Variants in ADAMTSL1 observed in about 807,000 individuals in gnomAD.
The protein encoded by ADAMTSL1 is ADAMTS like 1.
A neutral mutation model predicts 201.8 loss-of-function variants in ADAMTSL1; 126 were observed. The observed-to-expected ratio is 0.62, with a 90% CI of 0.54 to 0.72. ADAMTSL1 has a LOEUF of 0.72. Among genes scored for constraint, ADAMTSL1 ranks in the 30% least tolerant of loss-of-function variants. The pLI is 0.00. For synonymous variants in ADAMTSL1, 1,121 were observed against 903.4 expected (o/e 1.24, Z -4.32); for missense variants, 2,679 against 2,277.8 (o/e 1.18, Z -3.59).
chr9:18,566,428 A>G (rs1204592675), intron 3 of ADAMTSL1, among the ~76,000 whole-genome samples: 1 of 152,208 alleles, frequency 6.6e-6, no homozygotes, highest in African/African-American at 2.4e-5. Context: ...AAATTATCCG[A>G]TATACTTGTG....
intron 1 of ADAMTSL1, among the ~76,000 whole-genome samples, chr9:18,051,259 C>T (rs549135941): frequency 4.6e-5 from 7 of 152,242 alleles, no homozygotes; most frequent in Admixed American, 2.6e-4. Context: ...TGAGATGGTG[C>T]CACTGCACTC....
intron 3 of ADAMTSL1, among the ~76,000 whole-genome samples, chr9:18,550,631 A>C (rs1298522003): frequency 1.3e-5 from 2 of 151,862 alleles, no homozygotes; most frequent in East Asian, 1.9e-4. Flanking sequence ...AGCCCTTCCA[A>C]TGCCTTGATT....
At chr9:18,702,360 TTTTG>T (rs909033735) in intron 13 of ADAMTSL1, among the ~76,000 whole-genome samples, 5 of 152,330 alleles carry the variant, frequency 3.3e-5, no homozygotes, top group Non-Finnish European at 5.9e-5. Context: ...AGTAAGTTGT[TTTTG>T]TTTATCAGTA....
intron 13 of ADAMTSL1, among the ~76,000 whole-genome samples, chr9:18,688,516 A>T (rs1313560927): frequency 6.7e-6 from 1 of 149,856 alleles, no homozygotes; most frequent in African/African-American, 2.5e-5. Context: ...AAACTCAGAA[A>T]ACTTAGCCAG....
intron 1 of ADAMTSL1, among the ~76,000 whole-genome samples, chr9:18,480,740 C>G (rs1430889444): frequency 1.3e-5 from 2 of 152,182 alleles, no homozygotes; most frequent in Non-Finnish European, 2.9e-5. Flanking sequence ...CCACATCATT[C>G]TAATGGTGGT....
chr9:18,905,698 CG>C, intron 26 of ADAMTSL1, 83 bp from the exon 27 acceptor site: 1 of 1,010,126 alleles, frequency 9.9e-7, no homozygotes, highest in Non-Finnish European at 1.5e-6. Context: ...ACACAAGGAT[CG>C]TGCATGCCAT....
chr9:18,532,646 T>C (rs571091645), intron 2 of ADAMTSL1, among the ~76,000 whole-genome samples: 65 of 152,066 alleles, frequency 4.3e-4, no homozygotes, highest in African/African-American at 1.5e-3. Flanking sequence ...TTATTTATAC[T>C]GGAAAGGACT....
At chr9:18,422,426 T>C (rs2133366941) in intron 2 of ADAMTSL1, among the ~76,000 whole-genome samples, 1 of 152,318 alleles carries the variant, frequency 6.6e-6, no homozygotes, top group African/African-American at 2.4e-5. Flanking sequence ...TTCTGTGGCA[T>C]TCAGACATCC....
intron 1 of ADAMTSL1, among the ~76,000 whole-genome samples, chr9:18,060,400 T>C (rs1822395056): frequency 6.6e-6 from 1 of 152,188 alleles, no homozygotes; most frequent in South Asian, 2.1e-4. Flanking sequence ...GTATCTGCAA[T>C]ATTTTATTAA....
chr9:18,113,595 A>C (rs1050320856), intron 1 of ADAMTSL1, among the ~76,000 whole-genome samples: 1 of 152,116 alleles, frequency 6.6e-6, no homozygotes, highest in Admixed American at 6.6e-5. Context: ...GAGGGTATGT[A>C]GTATCTAGAG....
intron 1 of ADAMTSL1, among the ~76,000 whole-genome samples, chr9:18,063,620 G>A (rs1822558239): frequency 6.6e-6 from 1 of 152,242 alleles, no homozygotes; most frequent in South Asian, 2.1e-4. Context: ...GGACCCGTCA[G>A]AATGGCGGGC....
At chr9:18,549,989 G>A (rs1460565087) in intron 3 of ADAMTSL1, among the ~76,000 whole-genome samples, 1 of 151,970 alleles carries the variant, frequency 6.6e-6, no homozygotes, top group Non-Finnish European at 1.5e-5. Context: ...TGTTCTATCA[G>A]ATGGTCCTTC....
chr9:18,802,180 G>C (rs1329953846), intron 20 of ADAMTSL1, among the ~76,000 whole-genome samples: 2 of 152,100 alleles, frequency 1.3e-5, no homozygotes, highest in African/African-American at 4.8e-5. Flanking sequence ...GGAGGCTGAG[G>C]CAGGAGGATA....
chr9:18,387,052 T>C (rs1837824032), intron 2 of ADAMTSL1, among the ~76,000 whole-genome samples: 1 of 152,080 alleles, frequency 6.6e-6, no homozygotes, highest in Non-Finnish European at 1.5e-5. Context: ...TCACGAAATA[T>C]TGTTAGGTGA....
At chr9:18,251,396 A>G (rs752551835) in intron 2 of ADAMTSL1, among the ~76,000 whole-genome samples, 2 of 152,202 alleles carry the variant, frequency 1.3e-5, no homozygotes, top group Non-Finnish European at 2.9e-5. Context: ...GATGTTTCCG[A>G]GTGACTTTCT....
intron 1 of ADAMTSL1, among the ~76,000 whole-genome samples, chr9:17,979,283 T>C (rs1818587309): frequency 1.3e-5 from 2 of 152,046 alleles, no homozygotes; most frequent in Admixed American, 1.3e-4. Flanking sequence ...TCTTTTCTTC[T>C]TCTTGGATTA....
chr9:18,501,503 CAAAAA>C (rs397894789), intron 1 of ADAMTSL1, among the ~76,000 whole-genome samples: 5 of 93,088 alleles, frequency 5.4e-5, no homozygotes, highest in Non-Finnish European at 6.2e-5. Context: ...GACACGGTCT[CAAAAA>C]AAAAAAAAAA....
At chr9:18,707,307 G>A (rs779229111) in intron 14 of ADAMTSL1, among the ~76,000 whole-genome samples, 2 of 152,184 alleles carry the variant, frequency 1.3e-5, no homozygotes, top group African/African-American at 4.8e-5. Context: ...CTGATGTCTT[G>A]CAACATATCA....
intron 1 of ADAMTSL1, among the ~76,000 whole-genome samples, chr9:18,066,297 ATATTTCTGG>A (rs1253280687): frequency 6.6e-6 from 1 of 152,218 alleles, no homozygotes; most frequent in African/African-American, 2.4e-5. Flanking sequence ...TAAATTGCTC[ATATTTCTGG>A]GATGCTAGCA....
Sources: gnomAD v4.1 joint callset for allele counts (sites outside exome capture counted in the v4.1 genomes callset) on GRCh38, gnomAD v4.1.1 for gene constraint, MANE v1.5 for transcripts, NCBI Gene and HGNC (gene_info 2026-07-23, HGNC 2026-07-21) for gene names.